The following EFHC2 variants were observed in gnomAD, a reference collection of about 807,000 sequenced individuals.
EFHC2 encodes EF-hand domain-containing family member C2.
Under a neutral mutation model 52.7 loss-of-function variants are expected in EFHC2, and 18 were observed. The ratio of observed to expected loss-of-function variants is 0.34; its 90% confidence interval spans 0.24 to 0.51. The LOEUF (loss-of-function observed/expected upper bound fraction) is 0.51, where lower values mean the gene tolerates loss of function less well. Ranked by LOEUF, EFHC2 falls within the 20% of genes least tolerant of loss-of-function variation. EFHC2 has a pLI of 0.97. For missense variants in EFHC2, 513 were observed against 562.5 expected, an observed-to-expected ratio of 0.91 and a Z score of 0.89; for synonymous variants, 203 against 204.1, an observed-to-expected ratio of 0.99 and a Z score of 0.04.
intron 2 of EFHC2, among the ~76,000 whole-genome samples, chrX:44,283,675 CTTT>C (rs35434534): frequency 0.017 from 733 of 42,568 alleles, 47 homozygotes; most frequent in African/African-American, 0.067. Context: ...ACGGAAGTAC[CTTT>C]TTTTTTTTTT....
At chrX:44,295,502 T>C (rs2037820655) in intron 2 of EFHC2, among the ~76,000 whole-genome samples, 1 of 111,398 alleles carries the variant, frequency 9.0e-6, no homozygotes. Flanking sequence ...AGAGCCAAAA[T>C]ATAGGTGGTC....
chrX:44,303,633 TAA>T (rs202203848), intron 2 of EFHC2, among the ~76,000 whole-genome samples: 18 of 91,105 alleles, frequency 2.0e-4, no homozygotes, highest in Middle Eastern at 5.1e-3. Flanking sequence ...TTGTTTAATC[TAA>T]AAAAAAAAAA....
At chrX:44,226,944 G>C (rs1352278649) in intron 11 of EFHC2, among the ~76,000 whole-genome samples, 1 of 104,570 alleles carries the variant, frequency 9.6e-6, no homozygotes, top group Non-Finnish European at 2.0e-5. Flanking sequence ...AAGGAGAAGA[G>C]AAAAGAGAGA....
At chrX:44,275,575 T>C (rs1422917255) in intron 2 of EFHC2, among the ~76,000 whole-genome samples, 1 of 108,721 alleles carries the variant, frequency 9.2e-6, no homozygotes, top group Non-Finnish European at 1.9e-5. Flanking sequence ...ATAATTATGA[T>C]GTAAGGTGTT....
chrX:44,235,125 A>C (rs935649717), intron 9 of EFHC2, among the ~76,000 whole-genome samples, 180 bp downstream of exon 9: 1 of 111,372 alleles, frequency 9.0e-6, no homozygotes, highest in African/African-American at 3.3e-5. Flanking sequence ...TATCATTTTA[A>C]ATGTTTAGGT....
chrX:44,254,137 G>A (rs186597989), intron 4 of EFHC2, among the ~76,000 whole-genome samples: 47 of 112,281 alleles, frequency 4.2e-4, no homozygotes, highest in Admixed American at 1.7e-3. Flanking sequence ...AAAGACCAAA[G>A]GTAGATAAAT....
chrX:44,202,418 AAAAC>A (rs996285082), intron 11 of EFHC2, among the ~76,000 whole-genome samples: 8 of 112,196 alleles, frequency 7.1e-5, no homozygotes, highest in South Asian at 3.7e-4. Flanking sequence ...TCAAAAACAA[AAAAC>A]AAACAAACAA....
intron 13 of EFHC2, among the ~76,000 whole-genome samples, chrX:44,171,170 T>C (rs2036742490): frequency 9.0e-6 from 1 of 111,415 alleles, no homozygotes; most frequent in Non-Finnish European, 1.9e-5. Flanking sequence ...TGCTTCCTGA[T>C]GTCATGCTAG....
At chrX:44,211,554 TA>T (rs1237285154) in intron 11 of EFHC2, among the ~76,000 whole-genome samples, 1 of 102,587 alleles carries the variant, frequency 9.7e-6, no homozygotes, top group Non-Finnish European at 2.0e-5. Context: ...GTTTGGGAAG[TA>T]AAAAAGAAAA....
intron 11 of EFHC2, among the ~76,000 whole-genome samples, chrX:44,207,110 A>G (rs2037054349): frequency 8.9e-6 from 1 of 112,299 alleles, no homozygotes; most frequent in Non-Finnish European, 1.9e-5. Context: ...AAAAATAAAC[A>G]ATAGAGAAAG....
At position 44,176,726 on chromosome X, in the gene EFHC2, T is replaced by C. The variant is rs543525638; in HGVS notation, c.1950-342A>G. On this transcript the variant is annotated intron_variant, in intron 12 of 14. Transcript: ENST00000420999. Reference sequence around the variant, plus strand: ...CACTAGTCAAAAATGGTTCTGATATTTGAAAACATCTCTTAATTTGACAGG... The same window carrying C: ...CACTAGTCAAAAATGGTTCTGATATCTGAAAACATCTCTTAATTTGACAGG... Among the ~76,000 whole-genome samples the C allele has an allele frequency of 3.6e-4, 41 of 112,353 alleles. No homozygotes were observed. The South Asian group carries it at 0.014, about 37-fold the overall frequency.
chrX:44,280,006 G>A (rs1353853766), intron 2 of EFHC2, among the ~76,000 whole-genome samples: 1 of 86,013 alleles, frequency 1.2e-5, no homozygotes, highest in African/African-American at 5.0e-5. Flanking sequence ...CCCAACCCCC[G>A]CCACAGACAT....
chrX:44,192,636 C>T (rs2036930695), intron 11 of EFHC2, among the ~76,000 whole-genome samples: 1 of 110,201 alleles, frequency 9.1e-6, no homozygotes, highest in African/African-American at 3.3e-5. Context: ...TCTCTACCTT[C>T]GTTTCTGCTC....
chrX:44,194,402 T>C (rs988027285), intron 11 of EFHC2, among the ~76,000 whole-genome samples: 1 of 111,661 alleles, frequency 9.0e-6, no homozygotes, highest in Non-Finnish European at 1.9e-5. Flanking sequence ...AACTTTACAA[T>C]GTCAGTAAGA....
intron 2 of EFHC2, among the ~76,000 whole-genome samples, chrX:44,302,598 T>C (rs1465464722): frequency 8.9e-6 from 1 of 112,486 alleles, no homozygotes; most frequent in African/African-American, 3.2e-5. Flanking sequence ...GCAGAATGCA[T>C]AGTTGAGAAT....
At chrX:44,194,382 G>A (rs2036945979) in intron 11 of EFHC2, among the ~76,000 whole-genome samples, 1 of 111,459 alleles carries the variant, frequency 9.0e-6, no homozygotes, top group African/African-American at 3.3e-5. Context: ...GACAGTGGCT[G>A]GAATTTTGAA....
At chrX:44,261,414 T>G (rs927550105) in intron 3 of EFHC2, 116 bp from the exon 4 acceptor site, 51 of 609,758 alleles carry the variant, frequency 8.4e-5, no homozygotes, top group Admixed American at 1.2e-4. Flanking sequence ...GGCAAAGGAC[T>G]CGTTCTAGGA....
In EFHC2 at chrX:44,337,395, C is replaced by T. The variant is rs993819590; in HGVS notation, c.42+6152G>A. On this transcript the variant is annotated intron_variant, in intron 1 of 14. Transcript: ENST00000420999. ...ATAGAAACTATAGAGAACTTTTAGG[C>T]CTACTTGGATAAGGTAAAAAGGAAA... 6.3e-5 allele frequency among the ~76,000 whole-genome samples: 7 copies of T among 110,948 alleles called. No homozygotes were observed. The Admixed American group carries it at 6.8e-4, about 11-fold the overall frequency.
intron 2 of EFHC2, among the ~76,000 whole-genome samples, chrX:44,302,740 TATAATTATAC>T (rs778947183): frequency 8.9e-6 from 1 of 112,202 alleles, no homozygotes; most frequent in South Asian, 3.7e-4. Flanking sequence ...TACGTTGTCT[TATAATTATAC>T]ATGTTGGTGT....
Sources: allele counts gnomAD v4.1 joint callset (sites outside exome capture counted in the v4.1 genomes callset), GRCh38; gene constraint gnomAD v4.1.1; transcripts MANE v1.5; gene names NCBI Gene and HGNC (gene_info 2026-07-23, HGNC 2026-07-21).